Variants in MEGF6 observed in about 807,000 individuals in gnomAD.
MEGF6 encodes the protein multiple EGF like domains 6.
A neutral mutation model predicts 207.1 loss-of-function variants in MEGF6; 184 were observed. The ratio of observed to expected loss-of-function variants is 0.89; its 90% CI spans 0.79 to 1.00. The LOEUF (loss-of-function observed/expected upper bound fraction) is 1.00, where lower values mean the gene tolerates loss of function less well. MEGF6 is among the 50% of genes least tolerant of loss of function. MEGF6 has a pLI of 0.00. For synonymous variants in MEGF6, 1,038 were observed against 910.0 expected, an observed-to-expected ratio of 1.14 and a Z score of -2.53; for missense variants, 2,282 against 2,202.9, an observed-to-expected ratio of 1.04 and a Z score of -0.72.
At chr1:3,524,272 C>T (rs1392928845) in intron 4 of MEGF6, 26 bp from the exon 5 acceptor site, 4 of 1,598,950 alleles carry the variant, frequency 2.5e-6, no homozygotes, top group Non-Finnish European at 3.4e-6. Flanking sequence ...GAAGGATCAG[C>T]AGCTGGGCAC....
chr1:3,608,048 C>T (rs892265673), intron 1 of MEGF6, among the ~76,000 whole-genome samples: 2 of 152,072 alleles, frequency 1.3e-5, no homozygotes, highest in African/African-American at 4.8e-5. Flanking sequence ...TGGGGGGGCT[C>T]GCTCAGGACA....
chr1:3,590,179 G>A (rs1240250555), intron 3 of MEGF6, among the ~76,000 whole-genome samples: 1 of 152,226 alleles, frequency 6.6e-6, no homozygotes, highest in East Asian at 1.9e-4. Context: ...CCATCTCAGG[G>A]TGTACATGCG....
chr1:3,492,799 G>A lies in MEGF6; in HGVS notation c.4388-32C>T, dbSNP rs747945033. On this transcript the variant is annotated intron_variant, in intron 34 of 36. Transcript: ENST00000356575. ...GGCGGAGGGGGCGGGAGACAAACCT[G>A]AGCATCATCCTTGCCTTCCCCGCGC... 3 of 1,595,722 alleles carry A rather than the reference G, an allele frequency of 1.9e-6. No homozygotes were observed. The South Asian group carries it at 3.3e-5, about 18-fold the overall frequency.
chr1:3,584,895 T>C (rs1643871122), intron 3 of MEGF6, among the ~76,000 whole-genome samples: 1 of 152,262 alleles, frequency 6.6e-6, no homozygotes, highest in Admixed American at 6.5e-5. Context: ...GCCTGGGGAC[T>C]CTAAGGCGTC....
At chr1:3,574,831 C>T (rs190190009) in intron 4 of MEGF6, among the ~76,000 whole-genome samples, 11 of 152,216 alleles carry the variant, frequency 7.2e-5, no homozygotes, top group Non-Finnish European at 1.3e-4. Context: ...TTGGTAGAGA[C>T]GGGGTTTCAC....
chr1:3,620,325 G>T, the MEGF6 span, among the ~76,000 whole-genome samples: 1 of 152,268 alleles, frequency 6.6e-6, no homozygotes, highest in African/African-American at 2.4e-5. Flanking sequence ...GCCATCAGCT[G>T]TAGAAATGTC....
intron 5 of MEGF6, among the ~76,000 whole-genome samples, chr1:3,518,660 GTGGTTCTGGTCCCGTTGGTTTC>G (rs1441111681): frequency 2.0e-5 from 3 of 152,254 alleles, no homozygotes; most frequent in Non-Finnish European, 4.4e-5. Context: ...GCTCTACAGG[GTGGTTCTGGTCCCGTTGGTTTC>G]TGGTTCTGGT....
At chr1:3,504,083 TCCA>T (rs1641010681) in intron 17 of MEGF6, among the ~76,000 whole-genome samples, 3 of 151,622 alleles carry the variant, frequency 2.0e-5, no homozygotes, top group African/African-American at 7.3e-5. Context: ...GGGGCTTGAG[TCCA>T]GAGAGCCCCC....
At chr1:3,506,017 A>C (rs1641100423) in intron 15 of MEGF6, 91 bp downstream of exon 15, 1 of 1,465,328 alleles carries the variant, frequency 6.8e-7, no homozygotes, top group Non-Finnish European at 9.1e-7. Flanking sequence ...CGATAGCCTC[A>C]TCCTAACCCA....
At chr1:3,623,505 A>G in the MEGF6 span, 12 of 152,238 alleles carry the variant, frequency 7.9e-5, no homozygotes, top group African/African-American at 2.9e-4. Flanking sequence ...TTTCTGGGCC[A>G]TTTCTCACGC....
chr1:3,492,697 G>C lies in MEGF6; in HGVS notation c.4458C>G (p.Asp1486Glu), dbSNP rs747341211. 1 of 1,612,650 alleles carries C rather than the reference G, an allele frequency of 6.2e-7. No homozygotes were observed. Among genetic ancestry groups the C allele is most frequent in the Non-Finnish European group, 8.5e-7 (1 of 1,179,866 alleles). ...CACAGTGACACTGCCCACTGACAGG[G>C]TCGCAGTCAGCCCCACCCCCGCAGT... is the stretch of plus-strand genomic sequence containing the variant. ...HCDCGGGADCDPVSGQCHCVD... is the reference protein window; with the variant it reads ...HCDCGGGADCEPVSGQCHCVD... Residue 1486 changes from aspartate to glutamate, a missense_variant, in exon 35 of 37, where the codon GAC becomes GAG. Asp to Glu is a conservative substitution (Grantham distance 45). Transcript: ENST00000356575.
rs1009461887 is a variant in MEGF6 at position 3,489,294 on chromosome 1, G to A, written c.*1234C>T. ...TGCTGGTGAAATTGTCTGCCCTGGG[G>A]CCTCAGCTACCTTGGCTGGTTTTAG... On this transcript the variant is annotated 3_prime_UTR_variant, in exon 37 of 37. Transcript: ENST00000356575. Among the ~76,000 whole-genome samples, 3 of 152,206 alleles carry A rather than the reference G, an allele frequency of 2.0e-5. No homozygotes were observed. Among genetic ancestry groups the A allele is most frequent in the African/African-American group, 7.2e-5 (3 of 41,446 alleles).
chr1:3,518,476 C>T (rs944546032), intron 5 of MEGF6, among the ~76,000 whole-genome samples: 6 of 152,090 alleles, frequency 3.9e-5, no homozygotes, highest in Admixed American at 6.5e-5. Context: ...TTGGTCTCTG[C>T]TCGAGGCGCA....
chr1:3,571,630 G>A (rs575519838), intron 4 of MEGF6, among the ~76,000 whole-genome samples: 1 of 151,012 alleles, frequency 6.6e-6, no homozygotes, highest in African/African-American at 2.4e-5. Flanking sequence ...TGCTGGCCCT[G>A]CTGGGTGTGC....
intron 12 of MEGF6, 106 bp from the exon 13 acceptor site, chr1:3,508,795 C>A (rs1641216002): frequency 2.1e-6 from 3 of 1,422,768 alleles, no homozygotes; most frequent in South Asian, 2.7e-5. Context: ...TAAGGGGCAT[C>A]CTCGGCCCAT....
At chr1:3,612,526 G>T (rs575892754), upstream of MEGF6, among the ~76,000 whole-genome samples, 151 of 152,284 alleles carry the variant, frequency 9.9e-4, no homozygotes, top group African/African-American at 3.5e-3. Flanking sequence ...GCGGAGGGAG[G>T]TGCAACCTGG....
chr1:3,548,220 GACAGACGGAAC>G, intron 4 of MEGF6, among the ~76,000 whole-genome samples: 1 of 152,330 alleles, frequency 6.6e-6, no homozygotes, highest in Non-Finnish European at 1.5e-5. Flanking sequence ...CAGCACCCCA[GACAGACGGAAC>G]ACAGCGCGGG....
At chr1:3,497,810 G>A (rs1640675399) in intron 26 of MEGF6, among the ~76,000 whole-genome samples, 2 of 152,188 alleles carry the variant, frequency 1.3e-5, no homozygotes, top group South Asian at 4.1e-4. Flanking sequence ...ACCTGAGCAA[G>A]GGACCGCCCA....
At chr1:3,496,481 G>A (rs1640609928) in intron 29 of MEGF6, among the ~76,000 whole-genome samples, 174 bp downstream of exon 29, 1 of 152,240 alleles carries the variant, frequency 6.6e-6, no homozygotes, top group South Asian at 2.1e-4. Context: ...GACACCCCCA[G>A]CGCTGCAGGT....
Sources: gnomAD v4.1 joint callset for allele counts (sites outside exome capture counted in the v4.1 genomes callset) on GRCh38, gnomAD v4.1.1 for gene constraint, MANE v1.5 for transcripts, NCBI Gene and HGNC (gene_info 2026-07-23, HGNC 2026-07-21) for gene names.